Variants in PPP4R2 observed in about 807,000 individuals in gnomAD.
PPP4R2 encodes the protein serine/threonine-protein phosphatase 4 regulatory subunit 2.
A neutral mutation model predicts 47.2 loss-of-function variants in PPP4R2; 13 were observed. The ratio of observed to expected loss-of-function variants is 0.28; its 90% CI spans 0.18 to 0.44. The LOEUF (loss-of-function observed/expected upper bound fraction) is 0.44, where lower values mean the gene tolerates loss of function less well. PPP4R2 is among the 20% of genes least tolerant of loss of function. The probability of loss-of-function intolerance (pLI) is 1.00; values close to 1 mark genes in which losing one functional copy is unlikely to be tolerated. For synonymous variants in PPP4R2, 151 were observed against 163.3 expected, an observed-to-expected ratio of 0.92 and a Z score of 0.57; for missense variants, 421 against 491.2, an observed-to-expected ratio of 0.86 and a Z score of 1.35.
intron 2 of PPP4R2, among the ~76,000 whole-genome samples, chr3:73,045,862 G>A (rs1702473996): frequency 6.6e-6 from 1 of 152,026 alleles, no homozygotes; most frequent in Non-Finnish European, 1.5e-5. Flanking sequence ...TTAAAATGCT[G>A]TTCTATGAAA....
chr3:73,062,476 T>C, intron 5 of PPP4R2: 1 of 1,613,236 alleles, frequency 6.2e-7, no homozygotes, highest in Non-Finnish European at 8.5e-7. Context: ...TTGTGTTTCA[T>C]ATTTGATGGG....
At chr3:73,061,781 C>G (rs1451512096) in intron 5 of PPP4R2, 1 of 311,978 alleles carries the variant, frequency 3.2e-6, no homozygotes, top group African/African-American at 2.3e-5. Flanking sequence ...TCATAGCTCA[C>G]TGCAGCCTTA....
intron 2 of PPP4R2, among the ~76,000 whole-genome samples, chr3:73,028,761 C>A (rs1702115613): frequency 6.6e-6 from 1 of 152,038 alleles, no homozygotes; most frequent in Admixed American, 6.6e-5. Flanking sequence ...AAGAATCTTT[C>A]AGTGCAAAAG....
At position 73,066,623 on chromosome 3, in the gene PPP4R2, A is replaced by G. The variant is rs1168234949; in HGVS notation, c.*901A>G. 2.0e-5 allele frequency: 3 copies of G among 152,120 alleles called. No individual in the cohort carries two copies. The highest frequency in any genetic ancestry group is 7.2e-5 in the African/African-American group (3 of 41,472). 9.4% of individuals were successfully genotyped at this position (152,120 alleles called of 1,614,324 possible). A position where few individuals can be genotyped will look rare whatever the true frequency, so the allele number is the denominator to read the frequency against. ...TATGAAGCTGATATGAGACCATCTC[A>G]GAAGAACCAAGTAGGTTCCTTGACC... On this transcript the variant is annotated 3_prime_UTR_variant, in exon 9 of 9. Coordinates refer to ENST00000356692, the MANE Select transcript of PPP4R2 (RefSeq NM_174907.4).
chr3:73,003,412 T>C (rs1016103816), intron 2 of PPP4R2, among the ~76,000 whole-genome samples: 2 of 152,018 alleles, frequency 1.3e-5, no homozygotes, highest in Non-Finnish European at 2.9e-5. Context: ...GGGGTTTCGC[T>C]GTGTTGAACA....
chr3:73,047,814 G>A (rs1348132524), intron 3 of PPP4R2, among the ~76,000 whole-genome samples: 1 of 152,114 alleles, frequency 6.6e-6, no homozygotes, highest in African/African-American at 2.4e-5. Context: ...TTGGCCGCTT[G>A]TAAAACATTA....
Position 73,022,132 on chromosome 3 carries a change from A to T in PPP4R2, c.116+23974A>T, listed in dbSNP as rs1212011461. ...GGCTGGTCTCGAACTCCTGACTTCA[A>T]GTGGTTTGCTCTCCTTGGCCTCCTA... On this transcript the variant is annotated intron_variant, in intron 2 of 8. Transcript: ENST00000356692. Among the ~76,000 whole-genome samples the T allele has an allele frequency of 2.6e-5, 4 of 151,996 alleles. No individual in the cohort carries two copies. The East Asian group carries it at 7.7e-4, about 29-fold the overall frequency.
chr3:73,059,169 G>A, intron 4 of PPP4R2, 39 bp downstream of exon 4: 4 of 994,668 alleles, frequency 4.0e-6, no homozygotes, highest in Non-Finnish European at 6.1e-6. Context: ...ATGCTGTGGT[G>A]TAATAGCTTT....
At chr3:73,042,015 A>G (rs563468302) in intron 2 of PPP4R2, among the ~76,000 whole-genome samples, 1 of 152,332 alleles carries the variant, frequency 6.6e-6, no homozygotes, top group South Asian at 2.1e-4. Flanking sequence ...AAAATGGGAA[A>G]ATGGAAGGGG....
chr3:73,049,328 C>T (rs1702562362), intron 3 of PPP4R2, among the ~76,000 whole-genome samples: 1 of 152,022 alleles, frequency 6.6e-6, no homozygotes. Context: ...GAAACCCCGT[C>T]TCTACTAAAA....
At position 73,063,730 on chromosome 3, in the gene PPP4R2, A is replaced by C. The variant is rs1401161193; in HGVS notation, c.477A>C (p.Ser159=). ...ATGGTGTTATGTTTCCTGGAAATTCACCAAGCTATACTGAGAGGTGAGATT... is the reference window on the plus strand; with the variant it reads ...ATGGTGTTATGTTTCCTGGAAATTCCCCAAGCTATACTGAGAGGTGAGATT... ...RMNGVMFPGN[S]PSYTERSNIN... The change falls in exon 6 of 9, where the codon TCA becomes TCC. Residue 159 remains serine (S), a synonymous_variant. Coordinates refer to ENST00000356692, the MANE Select transcript of PPP4R2 (RefSeq NM_174907.4). 6 of 1,587,978 alleles carry C rather than the reference A, an allele frequency of 3.8e-6. No homozygotes were observed. The highest frequency in any genetic ancestry group is 5.2e-6 in the Non-Finnish European group (6 of 1,156,740).
chr3:73,005,372 G>T, intron 2 of PPP4R2, among the ~76,000 whole-genome samples: 1 of 150,788 alleles, frequency 6.6e-6, no homozygotes. Flanking sequence ...TCTACACACT[G>T]GTGGTGTAGT....
At position 73,038,363 on chromosome 3, in the gene PPP4R2, TTTTTTTCTTTTTG is replaced by T. The variant is rs1351088551; in HGVS notation, c.117-8810_117-8798del. ...TATAGTAATAGATTCTAGGGACATT[TTTTTTTCTTTTTG>T]TTTTTTCTTTTTTTTTGGAGATGGA... On this transcript the variant is annotated intron_variant, in intron 2 of 8. Coordinates refer to ENST00000356692, the MANE Select transcript of PPP4R2 (RefSeq NM_174907.4). Among the ~76,000 whole-genome samples, 6 of 152,110 alleles carry T rather than the reference TTTTTTTCTTTTTG, an allele frequency of 3.9e-5. No individual in the cohort carries two copies. The East Asian group carries it at 7.7e-4, about 20-fold the overall frequency.
At position 73,068,450 on chromosome 3, in the gene PPP4R2, T is replaced by TA. The variant is rs1464109134; in HGVS notation, c.*2729dup. The TA allele has an allele frequency of 6.6e-6, 1 of 152,220 alleles. No homozygotes were observed. The highest frequency in any genetic ancestry group is 1.9e-4 in the East Asian group (1 of 5,202). The allele number at this position is 152,220 out of a possible 1,614,324, so 9.4% of individuals were successfully genotyped here. A position where few individuals can be genotyped will look rare whatever the true frequency, so the allele number is the denominator to read the frequency against. On this transcript the variant is annotated 3_prime_UTR_variant, in exon 9 of 9. Coordinates refer to ENST00000356692, the MANE Select transcript of PPP4R2 (RefSeq NM_174907.4). ...AATATCCTTGTACATTTTTGAAAAATATATTTTCAGTTCTGAAAAATGTAG... is the reference window on the plus strand; with the variant it reads ...AATATCCTTGTACATTTTTGAAAAATAATATTTTCAGTTCTGAAAAATGTAG...
intron 3 of PPP4R2, among the ~76,000 whole-genome samples, chr3:73,053,287 T>G (rs913105236): frequency 1.3e-5 from 2 of 152,058 alleles, no homozygotes; most frequent in African/African-American, 4.8e-5. Context: ...TTATCCCCTT[T>G]CTTTCTCTTA....
intron 2 of PPP4R2, among the ~76,000 whole-genome samples, chr3:73,000,928 A>G (rs1184648139): frequency 6.6e-6 from 1 of 152,156 alleles, no homozygotes; most frequent in Non-Finnish European, 1.5e-5. Context: ...AGTTGCAATT[A>G]TTATCCTTTT....
chr3:73,063,536 A>C lies in PPP4R2; in HGVS notation c.420-137A>C, dbSNP rs190192332. The C allele has an allele frequency of 1.3e-4, 78 of 590,320 alleles. No individual in the cohort carries two copies. In the African/African-American group the frequency reaches 1.4e-3, roughly 11 times the overall value. The allele number at this position is 590,320 out of a possible 1,614,324, so 36.6% of individuals were successfully genotyped here. ...CTACTTGGGAGGCTGAGGCATAAGA[A>C]TTGCTTGAACCTGGGAAGTGGAGGT... On this transcript the variant is annotated intron_variant, in intron 5 of 8. Coordinates refer to ENST00000356692, the MANE Select transcript of PPP4R2 (RefSeq NM_174907.4).
intron 2 of PPP4R2, among the ~76,000 whole-genome samples, chr3:73,046,524 G>C (rs1702490702): frequency 6.6e-6 from 1 of 151,978 alleles, no homozygotes; most frequent in Admixed American, 6.6e-5. Flanking sequence ...GAGGAAAGAG[G>C]GATAAAAAGG....
chr3:73,023,637 A>G (rs1432833969), intron 2 of PPP4R2, among the ~76,000 whole-genome samples: 1 of 152,248 alleles, frequency 6.6e-6, no homozygotes, highest in East Asian at 1.9e-4. Context: ...TAAACAGTGC[A>G]GTAGTTCATC....
Sources: gnomAD v4.1 joint callset for allele counts (sites outside exome capture counted in the v4.1 genomes callset) on GRCh38, gnomAD v4.1.1 for gene constraint, MANE v1.5 for transcripts, NCBI Gene and HGNC (gene_info 2026-07-23, HGNC 2026-07-21) for gene names.